Variants in TSPAN14 observed in about 807,000 individuals in gnomAD.
TSPAN14 encodes tetraspanin-14.
TSPAN14 carries 16 observed loss-of-function variants against 36.6 expected under a neutral mutation model. The observed-to-expected ratio is 0.44, with a 90% confidence interval of 0.30 to 0.66. TSPAN14 has a LOEUF of 0.66. Among genes scored for constraint, TSPAN14 ranks in the 30% least tolerant of loss-of-function variants. The pLI is 0.12. For synonymous variants in TSPAN14, 139 were observed against 143.8 expected (o/e 0.97, Z 0.24); for missense variants, 231 against 355.1 (o/e 0.65, Z 2.81).
At chr10:80,490,569 T>A (rs997308094) in intron 2 of TSPAN14, among the ~76,000 whole-genome samples, 1 of 152,104 alleles carries the variant, frequency 6.6e-6, no homozygotes, top group Non-Finnish European at 1.5e-5. Flanking sequence ...TGGTAATGGC[T>A]TAGACAAAGT....
At chr10:80,472,968 G>A (rs1161465675) in intron 1 of TSPAN14, among the ~76,000 whole-genome samples, 5 of 152,186 alleles carry the variant, frequency 3.3e-5, no homozygotes, top group Non-Finnish European at 7.4e-5. Flanking sequence ...GTCCTGTGGA[G>A]CATGGCGTCA....
intron 1 of TSPAN14, among the ~76,000 whole-genome samples, chr10:80,461,099 T>G (rs77039130): frequency 0.016 from 2,510 of 152,238 alleles, 92 homozygotes; most frequent in South Asian, 0.13. Flanking sequence ...ACCTTGTTCC[T>G]CCTCCATGAG....
intron 1 of TSPAN14, among the ~76,000 whole-genome samples, chr10:80,465,360 C>G (rs948197584): frequency 1.3e-5 from 2 of 152,202 alleles, no homozygotes; most frequent in African/African-American, 4.8e-5. Context: ...TGCAGCCACC[C>G]CCGCTGCAGG....
intron 1 of TSPAN14, among the ~76,000 whole-genome samples, chr10:80,456,022 T>G (rs891700545): frequency 6.6e-6 from 1 of 152,106 alleles, no homozygotes; most frequent in African/African-American, 2.4e-5. Context: ...ATCTCTGAAC[T>G]CCACTGCTTG....
At chr10:80,460,344 G>T (rs555516310) in intron 1 of TSPAN14, among the ~76,000 whole-genome samples, 16 of 152,322 alleles carry the variant, frequency 1.1e-4, no homozygotes, top group African/African-American at 3.8e-4. Flanking sequence ...GATATCCAGG[G>T]TGATTAGATA....
chr10:80,486,792 G>A (rs1383115483), intron 1 of TSPAN14, among the ~76,000 whole-genome samples: 1 of 152,204 alleles, frequency 6.6e-6, no homozygotes, highest in South Asian at 2.1e-4. Flanking sequence ...CAGCTGAATT[G>A]ACAGTTCTCT....
chr10:80,483,911 CAAAAAAAAAAAAAAAAAAAAA>C (rs57795678), intron 1 of TSPAN14, among the ~76,000 whole-genome samples: 21 of 16,544 alleles, frequency 1.3e-3, no homozygotes, highest in Admixed American at 3.4e-3. Context: ...ACTCTTGTCT[CAAAAAAAAAAAAAAAAAAAAA>C]AAAAAAAAAA....
At chr10:80,491,395 G>T (rs1412175015) in intron 2 of TSPAN14, among the ~76,000 whole-genome samples, 1 of 152,172 alleles carries the variant, frequency 6.6e-6, no homozygotes, top group Non-Finnish European at 1.5e-5. Flanking sequence ...GCAAGTATAT[G>T]GTGGAGGTTC....
chr10:80,506,853 A>G (rs1274261921), intron 3 of TSPAN14, among the ~76,000 whole-genome samples: 4 of 152,222 alleles, frequency 2.6e-5, no homozygotes, highest in Non-Finnish European at 4.4e-5. Flanking sequence ...TTCATTAATT[A>G]GGTGCCAAAT....
chr10:80,511,769 T>TCC lies in TSPAN14; in HGVS notation c.451-374_451-373insCC, dbSNP rs1589301723. Among the ~76,000 whole-genome samples the TCC allele has an allele frequency of 3.1e-5, 4 of 129,862 alleles. No homozygotes were observed. The South Asian group carries it at 1.1e-3, about 35-fold the overall frequency. 85.2% of individuals were successfully genotyped at this position (129,862 alleles called of 152,430 possible). A position where few individuals can be genotyped will look rare whatever the true frequency, so the allele number is the denominator to read the frequency against. The stretch of plus-strand genomic sequence containing the variant: ...CTCTCTCTCTCTCTCTCTCTCTCTC[T>TCC]CTCCCCTTTTTTCTTTCTCTCCTTT... On this transcript the variant is annotated intron_variant, in intron 5 of 8. Transcript: ENST00000429989.
intron 1 of TSPAN14, among the ~76,000 whole-genome samples, chr10:80,461,696 G>A (rs1178934621): frequency 6.6e-6 from 1 of 152,124 alleles, no homozygotes; most frequent in Non-Finnish European, 1.5e-5. Flanking sequence ...AAAGGCAGGT[G>A]CCAGGATTTG....
At chr10:80,516,613 G>T (rs1840955192) in intron 8 of TSPAN14, among the ~76,000 whole-genome samples, 1 of 152,186 alleles carries the variant, frequency 6.6e-6, no homozygotes, top group African/African-American at 2.4e-5. Flanking sequence ...CTCTCCAGAG[G>T]GCCCAATGGG....
At chr10:80,468,552 C>T (rs1207922434) in intron 1 of TSPAN14, 1 of 152,112 alleles carries the variant, frequency 6.6e-6, no homozygotes, top group African/African-American at 2.4e-5. Context: ...GTCAGCGTTA[C>T]ATCCTTACTA....
At chr10:80,517,114 T>C (rs1840980199) in intron 8 of TSPAN14, among the ~76,000 whole-genome samples, 1 of 152,112 alleles carries the variant, frequency 6.6e-6, no homozygotes, top group African/African-American at 2.4e-5. Flanking sequence ...ATAACACCAT[T>C]TAGAAAGTGT....
rs768238687 is a variant in TSPAN14 at position 80,516,192 on chromosome 10, G to A, written c.622-12G>A. On this transcript the variant is annotated splice_polypyrimidine_tract_variant and intron_variant, in intron 7 of 8. Transcript: ENST00000429989. Reference sequence around the variant, plus strand: ...TGCCAAAGGCTCAGACCCCTGTGGTGTTTTCCTGCAGCTGAAGAGCAAGTG... The same window carrying A: ...TGCCAAAGGCTCAGACCCCTGTGGTATTTTCCTGCAGCTGAAGAGCAAGTG... 6.2e-7 allele frequency: 1 copy of A among 1,614,076 alleles called. No individual in the cohort carries two copies. Among genetic ancestry groups the A allele is most frequent in the Admixed American group, 1.7e-5 (1 of 60,006 alleles).
chr10:80,499,910 G>A (rs1848399106), intron 2 of TSPAN14, among the ~76,000 whole-genome samples: 2 of 119,078 alleles, frequency 1.7e-5, no homozygotes, highest in South Asian at 5.8e-4. Context: ...GTCATGGGAG[G>A]GAGACAAAGA....
intron 1 of TSPAN14, among the ~76,000 whole-genome samples, chr10:80,473,078 T>C (rs1485573437): frequency 1.3e-5 from 2 of 152,190 alleles, no homozygotes; most frequent in Non-Finnish European, 2.9e-5. Flanking sequence ...GCTTCCATGT[T>C]GGGTTTCTGG....
intron 1 of TSPAN14, among the ~76,000 whole-genome samples, chr10:80,462,457 G>C (rs1053034872): frequency 1.3e-5 from 2 of 152,170 alleles, no homozygotes; most frequent in East Asian, 3.9e-4. Flanking sequence ...TCACTCAAAT[G>C]GTCTGGCCAG....
At chr10:80,518,590 A>G (rs1462358776) in exon 9 of TSPAN14, 1 of 154,674 alleles carries the variant, frequency 6.5e-6, no homozygotes, top group East Asian at 1.9e-4. Flanking sequence ...CAGTGCGTGG[A>G]CTGGTGCCAC....
Sources: allele counts gnomAD v4.1 joint callset (sites outside exome capture counted in the v4.1 genomes callset), GRCh38; gene constraint gnomAD v4.1.1; transcripts MANE v1.5; gene names NCBI Gene and HGNC (gene_info 2026-07-23, HGNC 2026-07-21).